The following RBFOX1 variants were observed in gnomAD, a reference collection of about 807,000 sequenced individuals.
The protein encoded by RBFOX1 is RNA binding fox-1 homolog 1, also known as RNA binding protein fox-1 homolog 1.
Under a neutral mutation model 57.7 loss-of-function variants are expected in RBFOX1, and 8 were observed. The ratio of observed to expected loss-of-function variants is 0.14; its 90% CI spans 0.08 to 0.25. RBFOX1 has a LOEUF of 0.25. RBFOX1 is among the 10% of genes least tolerant of loss of function. RBFOX1 has a pLI of 1.00. For missense variants in RBFOX1, 611 were observed against 548.5 expected (o/e 1.11, Z -1.14); for synonymous variants, 326 against 222.4 (o/e 1.47, Z -4.15).
At chr16:6,435,847 CAT>C (rs2153015284) in intron 2 of RBFOX1, among the ~76,000 whole-genome samples, 1 of 152,256 alleles carries the variant, frequency 6.6e-6, no homozygotes, top group East Asian at 1.9e-4. Flanking sequence ...ACTTATCTCA[CAT>C]GTGCCATTCA....
intron 2 of RBFOX1, among the ~76,000 whole-genome samples, chr16:5,500,212 A>ATTCCGTTCCG (rs113875675): frequency 3.0e-5 from 4 of 134,478 alleles, no homozygotes; most frequent in African/African-American, 1.2e-4. Context: ...ATTCCATTGC[A>ATTCCGTTCCG]TTCCGTTCCG....
intron 3 of RBFOX1, among the ~76,000 whole-genome samples, chr16:5,678,630 A>T (rs979387987): frequency 6.6e-6 from 1 of 152,082 alleles, no homozygotes; most frequent in African/African-American, 2.4e-5. Flanking sequence ...ACAGGAATCT[A>T]TTATGCGGCG....
intron 3 of RBFOX1, among the ~76,000 whole-genome samples, chr16:5,806,997 G>A (rs1415835572): frequency 6.6e-6 from 1 of 152,136 alleles, no homozygotes; most frequent in African/African-American, 2.4e-5. Context: ...TGGCCTGGGG[G>A]AGAAGCTAGA....
At chr16:6,287,177 C>T (rs1221803502) in intron 1 of RBFOX1, among the ~76,000 whole-genome samples, 1 of 152,108 alleles carries the variant, frequency 6.6e-6, no homozygotes, top group African/African-American at 2.4e-5. Context: ...CATTTGAATG[C>T]AAATTCAGCC....
Position 5,400,480 on chromosome 16 carries a change from A to G in RBFOX1, c.220-66736A>G, listed in dbSNP as rs1312059648. Among the ~76,000 whole-genome samples the G allele has an allele frequency of 2.0e-5, 3 of 152,174 alleles. No individual in the cohort carries two copies. In the East Asian group the frequency reaches 5.8e-4, roughly 29 times the overall value. On this transcript the variant is annotated intron_variant, in intron 1 of 2. Coordinates refer to the RBFOX1 transcript ENST00000585867. ...CTAGTTTTATGTATGCATATATATT[A>G]TTCTCTTTCAAAACAAAATTGAAAT...
At chr16:6,643,350 T>G (rs77041503) in intron 2 of RBFOX1, among the ~76,000 whole-genome samples, 2 of 152,156 alleles carry the variant, frequency 1.3e-5, no homozygotes, top group Non-Finnish European at 2.9e-5. Flanking sequence ...AATCTATCAC[T>G]GCAAACATTT....
chr16:5,361,651 G>A (rs1483734673), intron 1 of RBFOX1, among the ~76,000 whole-genome samples: 1 of 152,224 alleles, frequency 6.6e-6, no homozygotes, highest in East Asian at 1.9e-4. Context: ...CATAAAGCTG[G>A]CCCTGGGGTT....
At chr16:6,712,365 G>A (rs528561887) in intron 3 of RBFOX1, among the ~76,000 whole-genome samples, 7 of 152,206 alleles carry the variant, frequency 4.6e-5, no homozygotes, top group South Asian at 2.1e-4. Context: ...GAAATGTTAC[G>A]TCTGTCCTGG....
At chr16:7,127,829 T>G (rs1286200297) in intron 4 of RBFOX1, among the ~76,000 whole-genome samples, 1 of 152,192 alleles carries the variant, frequency 6.6e-6, no homozygotes, top group African/African-American at 2.4e-5. Context: ...CAAAGGTCGT[T>G]TGCAAGCATA....
At chr16:5,722,311 T>C (rs2051965881) in intron 3 of RBFOX1, among the ~76,000 whole-genome samples, 1 of 152,250 alleles carries the variant, frequency 6.6e-6, no homozygotes, top group Non-Finnish European at 1.5e-5. Context: ...TGATTCACTG[T>C]TGTTCCAGTA....
In RBFOX1 at chr16:6,218,414, T is replaced by C. The variant is rs1461801637; in HGVS notation, c.-126-98581T>C. On this transcript the variant is annotated intron_variant, in intron 1 of 15. Coordinates refer to ENST00000550418, the MANE Select transcript of RBFOX1 (RefSeq NM_018723.4). The stretch of plus-strand genomic sequence containing the variant: ...ACACCTGCCTCCAGGGTTCAAGTGA[T>C]TCTTGTGCCTTAGCCTGCCGAGTAG... 7.9e-5 allele frequency among the ~76,000 whole-genome samples: 12 copies of C among 152,278 alleles called. No homozygotes were observed. The East Asian group carries it at 2.3e-3, about 29-fold the overall frequency.
intron 5 of RBFOX1, among the ~76,000 whole-genome samples, chr16:7,563,266 C>G (rs2090862646): frequency 6.6e-6 from 1 of 152,196 alleles, no homozygotes; most frequent in Non-Finnish European, 1.5e-5. Flanking sequence ...ATCCTAAGCA[C>G]TTACAGGTGT....
intron 2 of RBFOX1, among the ~76,000 whole-genome samples, chr16:5,561,798 G>A (rs1228141888): frequency 6.6e-6 from 1 of 152,118 alleles, no homozygotes; most frequent in Non-Finnish European, 1.5e-5. Context: ...TATTTTAGCA[G>A]AAGTTACTTG....
intron 4 of RBFOX1, among the ~76,000 whole-genome samples, chr16:6,007,599 G>C (rs1460069799): frequency 1.3e-5 from 2 of 152,112 alleles, no homozygotes. Context: ...GCTAATTTTT[G>C]GAGTAAACAA....
At chr16:6,901,076 C>T (rs1033184977) in intron 3 of RBFOX1, among the ~76,000 whole-genome samples, 3 of 152,200 alleles carry the variant, frequency 2.0e-5, no homozygotes, top group Non-Finnish European at 2.9e-5. Context: ...CTGGATACTT[C>T]TCAGTTGTGC....
intron 2 of RBFOX1, among the ~76,000 whole-genome samples, chr16:6,389,598 C>G (rs2092488887): frequency 6.6e-6 from 1 of 152,158 alleles, no homozygotes; most frequent in South Asian, 2.1e-4. Flanking sequence ...TTGGATGTCT[C>G]TACCTAAACT....
chr16:6,895,448 G>GTGTATATATATATA (rs869028735), intron 3 of RBFOX1, among the ~76,000 whole-genome samples: 5 of 54,632 alleles, frequency 9.2e-5, no homozygotes, highest in Non-Finnish European at 1.3e-4. Context: ...GTGTGTGTGT[G>GTGTATATATATATA]TATATATATA....
intron 3 of RBFOX1, among the ~76,000 whole-genome samples, chr16:5,643,437 A>G (rs1437823766): frequency 2.0e-5 from 3 of 152,180 alleles, no homozygotes; most frequent in Non-Finnish European, 4.4e-5. Flanking sequence ...AAGGAAGACA[A>G]GGTTTCCTGA....
rs112250085 is a variant in RBFOX1 at position 7,602,696 on chromosome 16, T to A, written c.623-4589T>A. ...CCCGCATGAGCTCTGTAAGTCTGAG[T>A]GGAGGCGATTTTCAAGGGCTGGATT... On this transcript the variant is annotated intron_variant, in intron 9 of 15. Coordinates refer to ENST00000550418, the MANE Select transcript of RBFOX1 (RefSeq NM_018723.4). 2.3e-3 allele frequency among the ~76,000 whole-genome samples: 356 copies of A among 152,162 alleles called. 5 individuals are homozygous for A. Among genetic ancestry groups the A allele is most frequent in the African/African-American group, 8.1e-3 (336 of 41,516 alleles).
Sources: allele counts gnomAD v4.1 joint callset (sites outside exome capture counted in the v4.1 genomes callset), GRCh38; gene constraint gnomAD v4.1.1; transcripts MANE v1.5; gene names NCBI Gene and HGNC (gene_info 2026-07-23, HGNC 2026-07-21).